CCDC12: variants seen among roughly 807,000 people sequenced by gnomAD.
CCDC12 encodes coiled-coil domain-containing protein 12.
In CCDC12, 28 loss-of-function variants were observed where a neutral mutation model predicts 25.7. The ratio of observed to expected loss-of-function variants is 1.09; its 90% CI spans 0.81 to 1.50. The LOEUF (loss-of-function observed/expected upper bound fraction) is 1.50, where lower values mean the gene tolerates loss of function less well. CCDC12 is among the 40% of genes most tolerant of loss of function. The probability of loss-of-function intolerance (pLI) is 0.00; values close to 1 mark genes in which losing one functional copy is unlikely to be tolerated. For synonymous variants in CCDC12, 75 were observed against 87.7 expected (o/e 0.86, Z 0.81); for missense variants, 198 against 210.0 (o/e 0.94, Z 0.35).
At position 46,966,922 on chromosome 3, in the gene CCDC12, G is replaced by A. The variant is rs139678115; in HGVS notation, c.96+9715C>T. On this transcript the variant is annotated intron_variant, in intron 1 of 6. Coordinates refer to ENST00000683445, the MANE Select transcript of CCDC12 (RefSeq NM_001277074.2). ...CTCTCAGCCCCACTGTCCTCATGCC[G>A]CCCCACCCCACCAAGTTTCCTTGGA... Among the ~76,000 whole-genome samples, 207 of 151,822 alleles carry A rather than the reference G, an allele frequency of 1.4e-3. 1 individual carries two copies. Among genetic ancestry groups the A allele is most frequent in the African/African-American group, 4.6e-3 (191 of 41,378 alleles).
chr3:46,970,285 T>TA (rs386396554), intron 1 of CCDC12, among the ~76,000 whole-genome samples: 1 of 1,444 alleles, frequency 6.9e-4, no homozygotes, highest in Non-Finnish European at 0.01. Context: ...TTTTTTGTGA[T>TA]TTTTTTTTTA....
chr3:46,938,307 G>A (rs1215926764), intron 2 of CCDC12, among the ~76,000 whole-genome samples: 1 of 152,146 alleles, frequency 6.6e-6, no homozygotes, highest in Non-Finnish European at 1.5e-5. Flanking sequence ...CAGGAAGCAG[G>A]TCCTCACATG....
chr3:46,951,798 A>AAAAAAAAAAAAAAAAAAATATATATATAT, intron 1 of CCDC12, among the ~76,000 whole-genome samples: 1 of 8,464 alleles, frequency 1.2e-4, no homozygotes, highest in Non-Finnish European at 2.8e-4. Flanking sequence ...AAAAAAAAAA[A>AAAAAAAAAAAAAAAAAAATATATATATAT]ATATATATAT....
At chr3:46,976,531 G>T in intron 1 of CCDC12, 106 bp downstream of exon 1, 1 of 1,458,544 alleles carries the variant, frequency 6.9e-7, no homozygotes, top group Non-Finnish European at 9.1e-7. Context: ...GCGCATGCGC[G>T]CCCTCGGCAG....
intron 2 of CCDC12, among the ~76,000 whole-genome samples, chr3:46,938,377 G>T (rs977831387): frequency 2.6e-5 from 4 of 151,984 alleles, no homozygotes; most frequent in Non-Finnish European, 5.9e-5. Context: ...ATGCCCTTTG[G>T]TTTTTTTCCC....
chr3:46,964,066 C>CTG (rs2034556890), intron 1 of CCDC12, among the ~76,000 whole-genome samples: 1 of 151,506 alleles, frequency 6.6e-6, no homozygotes. Flanking sequence ...CTTTGCCCCG[C>CTG]CGCCCCGTCT....
At chr3:46,976,263 G>A (rs2034984567) in intron 1 of CCDC12, 4 of 1,038,976 alleles carry the variant, frequency 3.8e-6, no homozygotes, top group African/African-American at 1.7e-5. Flanking sequence ...CGAAGGCGGG[G>A]GTTAAAGACC....
chr3:46,948,267 T>C (rs17079331), intron 1 of CCDC12, among the ~76,000 whole-genome samples: 6 of 152,176 alleles, frequency 3.9e-5, no homozygotes, highest in Non-Finnish European at 7.3e-5. Context: ...AGGCTGGGAT[T>C]AGCTAAGAGC....
At chr3:46,925,176 G>A (rs1312840522) in intron 3 of CCDC12, 4 of 622,700 alleles carry the variant, frequency 6.4e-6, no homozygotes, top group Non-Finnish European at 1.2e-5. Context: ...CTGAGAGGAT[G>A]TGGCCTTTTT....
rs544300073 is a variant in CCDC12, at chr3:46,971,539, G to A, written c.96+5098C>T. Among the ~76,000 whole-genome samples, 315 of 152,296 alleles carry A rather than the reference G, an allele frequency of 2.1e-3. 3 individuals carry two copies. Among genetic ancestry groups the A allele is most frequent in the African/African-American group, 4.7e-3 (197 of 41,558 alleles). Reference sequence around the variant, plus strand: ...CTGCATGACTACAAGAGAGTTTTGCGCAGAATAATACACGGAAACATTGCA... The same window carrying A: ...CTGCATGACTACAAGAGAGTTTTGCACAGAATAATACACGGAAACATTGCA... On this transcript the variant is annotated intron_variant, in intron 1 of 6. Coordinates refer to ENST00000683445, the MANE Select transcript of CCDC12 (RefSeq NM_001277074.2).
intron 1 of CCDC12, among the ~76,000 whole-genome samples, chr3:46,960,805 A>G (rs953418281): frequency 1.3e-5 from 2 of 152,248 alleles, no homozygotes; most frequent in African/African-American, 2.4e-5. Flanking sequence ...GCTTAGAAAC[A>G]GCAAGTCCGT....
At chr3:46,976,539 CAGCTGTCTTTCCTTATT>C in intron 1 of CCDC12, 81 bp downstream of exon 1, 1 of 1,474,422 alleles carries the variant, frequency 6.8e-7, no homozygotes, top group African/African-American at 1.4e-5. Context: ...GCGCCCTCGG[CAGCTGTCTTTCCTTATT>C]AGCCCTTTGC....
chr3:46,928,253 T>A (rs1419108043), intron 2 of CCDC12, among the ~76,000 whole-genome samples: 5 of 150,146 alleles, frequency 3.3e-5, no homozygotes, highest in African/African-American at 7.3e-5. Flanking sequence ...AAAAAAAAAA[T>A]GTATATATAT....
Position 46,957,988 on chromosome 3 carries a change from CACACACACAT to C in CCDC12, c.97-16933_97-16924del, listed in dbSNP as rs1284304994. Among the ~76,000 whole-genome samples the C allele has an allele frequency of 1.6e-4, 24 of 146,594 alleles. 1 individual carries two copies. The highest frequency in any genetic ancestry group is 5.5e-4 in the African/African-American group (22 of 39,772). On this transcript the variant is annotated intron_variant, in intron 1 of 6. Transcript: ENST00000683445. ...ACACACACACACACACACACACACA[CACACACACAT>C]ATATATGTAAAGCTAATAGAACCAG...
At chr3:46,923,396 GGGGCCACCCCA>G in intron 4 of CCDC12, 33 bp from the exon 5 acceptor site, 1 of 1,533,138 alleles carries the variant, frequency 6.5e-7, no homozygotes, top group Non-Finnish European at 8.8e-7. Context: ...TCAGGGTGGA[GGGGCCACCCCA>G]GGACAAGGGG....
At position 46,925,526 on chromosome 3, in the gene CCDC12, C is replaced by A; in HGVS notation, c.174G>T (p.Arg58Ser). 6.3e-7 allele frequency: 1 copy of A among 1,577,642 alleles called. No homozygotes were observed. Among genetic ancestry groups the A allele is most frequent in the Non-Finnish European group, 8.6e-7 (1 of 1,156,624 alleles). ...CATCCTCCGGGACATAGTTCCGCAG[C>A]CTAAGTTCCCTGCAAGAATAGAGGG... ...EEEGEKHRELRLRNYVPEDED... is the reference protein window; with the variant it reads ...EEEGEKHRELSLRNYVPEDED... Residue 58 changes from arginine to serine, a missense_variant, in exon 3 of 7, where the codon AGG (arginine) becomes AGT (serine). Transcript: ENST00000683445.
rs763067145 is a variant in CCDC12, at chr3:46,922,236, G to A, written c.418C>T (p.Arg140Cys). ...RTQRAIAELI[R>C]ERLKGQEDSL... ...CCACCTTCCCAGGCACTGCACTTAC[G>A]GATCAGCTCGGCAATGGCCCTCTGA... The change falls in exon 6 of 7, where the codon CGT becomes TGT. Residue 140 changes from arginine (R) to cysteine (C), a missense_variant and splice_region_variant. Coordinates refer to ENST00000683445, the MANE Select transcript of CCDC12 (RefSeq NM_001277074.2). The A allele has an allele frequency of 2.2e-5, 36 of 1,614,156 alleles. No individual in the cohort carries two copies. The highest frequency in any genetic ancestry group is 3.3e-5 in the Admixed American group (2 of 60,014).
intron 1 of CCDC12, among the ~76,000 whole-genome samples, chr3:46,949,518 C>A (rs1357542842): frequency 6.6e-6 from 1 of 152,200 alleles, no homozygotes; most frequent in Non-Finnish European, 1.5e-5. Context: ...TGTAGGGGCA[C>A]TGTGGTATGC....
chr3:46,972,370 A>G (rs987084903), intron 1 of CCDC12, among the ~76,000 whole-genome samples: 1 of 152,176 alleles, frequency 6.6e-6, no homozygotes, highest in Non-Finnish European at 1.5e-5. Flanking sequence ...AGAGAATGGG[A>G]AAAAATATCA....
Sources: gnomAD v4.1 joint callset for allele counts (sites outside exome capture counted in the v4.1 genomes callset) on GRCh38, gnomAD v4.1.1 for gene constraint, MANE v1.5 for transcripts, NCBI Gene and HGNC (gene_info 2026-07-23, HGNC 2026-07-21) for gene names.